The following SAMD3 variants were observed in gnomAD, a reference collection of about 807,000 sequenced individuals.
SAMD3 encodes the protein sterile alpha motif domain containing 3.
SAMD3 carries 63 observed loss-of-function variants against 58.5 expected under a neutral mutation model. The ratio of observed to expected loss-of-function variants is 1.08; its 90% CI spans 0.88 to 1.33. The LOEUF (loss-of-function observed/expected upper bound fraction) is 1.33. Ranked by LOEUF, SAMD3 falls within the 40% of genes most tolerant of loss-of-function variation. The probability of loss-of-function intolerance (pLI) is 0.00; values close to 1 mark genes in which losing one functional copy is unlikely to be tolerated. For synonymous variants in SAMD3, 220 were observed against 210.3 expected (o/e 1.05, Z -0.40); for missense variants, 604 against 608.4 (o/e 0.99, Z 0.08).
At chr6:130,165,154 A>C (rs1790615444) in intron 8 of SAMD3, among the ~76,000 whole-genome samples, 1 of 152,244 alleles carries the variant, frequency 6.6e-6, no homozygotes, top group Admixed American at 6.5e-5. Context: ...ACATTGTAAG[A>C]ACTTGGAATC....
chr6:130,363,770 A>G (rs1370447225), intron 1 of SAMD3, among the ~76,000 whole-genome samples: 1 of 152,242 alleles, frequency 6.6e-6, no homozygotes, highest in Admixed American at 6.5e-5. Context: ...GGCTTGTTCT[A>G]GTGGAAATTT....
At chr6:130,194,297 C>T (rs370173431) in intron 5 of SAMD3, among the ~76,000 whole-genome samples, 13 of 152,300 alleles carry the variant, frequency 8.5e-5, no homozygotes, top group East Asian at 3.9e-4. Flanking sequence ...ATGGCTTGTT[C>T]GGTAGCAACC....
At chr6:130,176,189 G>A (rs1791708928) in intron 7 of SAMD3, 181 bp from the exon 8 acceptor site, 1 of 671,776 alleles carries the variant, frequency 1.5e-6, no homozygotes, top group Non-Finnish European at 2.7e-6. Flanking sequence ...TTGTGACACT[G>A]CTACAGAAAT....
At chr6:130,149,255 C>A (rs1376745723) in intron 9 of SAMD3, among the ~76,000 whole-genome samples, 1 of 152,148 alleles carries the variant, frequency 6.6e-6, no homozygotes, top group African/African-American at 2.4e-5. Context: ...GGAAAGCCTC[C>A]AACACTTATA....
At chr6:130,364,026 T>G (rs1778059674) in intron 1 of SAMD3, among the ~76,000 whole-genome samples, 1 of 152,164 alleles carries the variant, frequency 6.6e-6, no homozygotes, top group Non-Finnish European at 1.5e-5. Flanking sequence ...ATAACTAATG[T>G]GTTGAGAGTT....
intron 1 of SAMD3, among the ~76,000 whole-genome samples, chr6:130,314,061 G>T (rs978356722): frequency 6.6e-6 from 1 of 152,156 alleles, no homozygotes; most frequent in South Asian, 2.1e-4. Flanking sequence ...AATCTGCTAC[G>T]TGTAGCCAGA....
intron 5 of SAMD3, among the ~76,000 whole-genome samples, chr6:130,195,873 C>T (rs1020443968): frequency 9.9e-5 from 15 of 152,252 alleles, no homozygotes; most frequent in African/African-American, 3.4e-4. Flanking sequence ...TAGATACTTT[C>T]GACTTTAGAT....
intron 2 of SAMD3, among the ~76,000 whole-genome samples, chr6:130,265,020 A>T (rs1774288749): frequency 6.6e-6 from 1 of 152,202 alleles, no homozygotes; most frequent in East Asian, 1.9e-4. Context: ...AGATAAGCTA[A>T]CTCTTAGGCA....
intron 2 of SAMD3, among the ~76,000 whole-genome samples, chr6:130,276,726 G>T (rs1225792397): frequency 2.0e-5 from 3 of 152,050 alleles, no homozygotes; most frequent in Non-Finnish European, 4.4e-5. Context: ...AGTAGAGAAA[G>T]AGTTTAATTA....
intron 1 of SAMD3, among the ~76,000 whole-genome samples, chr6:130,340,066 C>A (rs570705646): frequency 6.6e-6 from 1 of 152,156 alleles, no homozygotes; most frequent in African/African-American, 2.4e-5. Flanking sequence ...AGGTTAGGGA[C>A]CATGACTTAC....
At position 130,302,229 on chromosome 6, in the gene SAMD3, T is replaced by A. The variant is rs573829549; in HGVS notation, c.-188+10749A>T. On this transcript the variant is annotated intron_variant, in intron 2 of 13. Transcript: ENST00000368134. Reference sequence around the variant, plus strand: ...AAAGGACTAATATCCAGAATCTATATGGAACTTAAACAAATAGCCCATTAA... The same window carrying A: ...AAAGGACTAATATCCAGAATCTATAAGGAACTTAAACAAATAGCCCATTAA... Among the ~76,000 whole-genome samples the A allele has an allele frequency of 5.3e-5, 8 of 152,010 alleles. No homozygotes were observed. In the South Asian group the frequency reaches 1.2e-3, roughly 24 times the overall value.
intron 7 of SAMD3, among the ~76,000 whole-genome samples, chr6:130,179,939 C>T (rs554975042): frequency 5.9e-5 from 9 of 151,508 alleles, no homozygotes; most frequent in East Asian, 2.0e-4. Context: ...CTCAGCCTCC[C>T]GTGTAGCTGG....
At chr6:130,178,400 TGCAGGCATATGGGCCTGTGTTTCCCTCGA>T (rs1325641057) in intron 7 of SAMD3, among the ~76,000 whole-genome samples, 3 of 148,068 alleles carry the variant, frequency 2.0e-5, no homozygotes, top group African/African-American at 7.4e-5. Flanking sequence ...AAAAAACCCC[TGCAGGCATATGGGCCTGTGTTTCCCTCGA>T]GCCCTGGCCA....
At chr6:130,339,268 C>T (rs55648713) in intron 1 of SAMD3, among the ~76,000 whole-genome samples, 3,208 of 152,116 alleles carry the variant, frequency 0.021, 111 homozygotes, top group African/African-American at 0.069. Flanking sequence ...AGGATGGTCT[C>T]GATCCCCTGA....
intron 1 of SAMD3, among the ~76,000 whole-genome samples, chr6:130,322,494 G>A (rs755234258): frequency 1.1e-4 from 16 of 152,138 alleles, no homozygotes; most frequent in Non-Finnish European, 1.8e-4. Flanking sequence ...TGTAGTAGCC[G>A]GGCATGGTGA....
chr6:130,195,024 A>C (rs1163665935), intron 5 of SAMD3, among the ~76,000 whole-genome samples: 1 of 151,474 alleles, frequency 6.6e-6, no homozygotes, highest in Non-Finnish European at 1.5e-5. Context: ...AAACCCCCCA[A>C]CTCTGGTGCC....
intron 1 of SAMD3, among the ~76,000 whole-genome samples, chr6:130,360,879 A>G (rs944506995): frequency 5.3e-5 from 8 of 152,188 alleles, no homozygotes; most frequent in Non-Finnish European, 1.2e-4. Context: ...TGAGAAAATA[A>G]TTCAGCAATA....
chr6:130,326,366 C>CTTTTTTTT lies in SAMD3; in HGVS notation c.-303-13274_-303-13273insAAAAAAAA, dbSNP rs1444494681. On this transcript the variant is annotated intron_variant, in intron 1 of 13. Transcript: ENST00000368134. Reference sequence around the variant, plus strand: ...GTTTCCATCTCTAGAAATGCCTGGTCATTTTTTTTTTTTTTTTGCAAACTT... The same window carrying CTTTTTTTT: ...GTTTCCATCTCTAGAAATGCCTGGTCTTTTTTTTATTTTTTTTTTTTTTTTGCAAACTT... Among the ~76,000 whole-genome samples the CTTTTTTTT allele has an allele frequency of 1.4e-3, 161 of 113,164 alleles. 1 individual carries two copies. The highest frequency in any genetic ancestry group is 4.5e-3 in the Middle Eastern group (1 of 220). 74.2% of individuals were successfully genotyped at this position (113,164 alleles called of 152,430 possible).
chr6:130,351,956 C>G (rs1777685107), intron 1 of SAMD3, among the ~76,000 whole-genome samples: 1 of 151,172 alleles, frequency 6.6e-6, no homozygotes, highest in Non-Finnish European at 1.5e-5. Flanking sequence ...AGCAAACTAT[C>G]ACAAGGACAA....
Sources: allele counts gnomAD v4.1 joint callset (sites outside exome capture counted in the v4.1 genomes callset), GRCh38; gene constraint gnomAD v4.1.1; transcripts MANE v1.5; gene names NCBI Gene and HGNC (gene_info 2026-07-23, HGNC 2026-07-21).